Variants in CLOCK observed in about 807,000 individuals in gnomAD.
The protein encoded by CLOCK is circadian locomoter output cycles protein kaput.
CLOCK carries 43 observed loss-of-function variants against 118.4 expected under a neutral mutation model. The ratio of observed to expected loss-of-function variants is 0.36; its 90% CI spans 0.28 to 0.47. The LOEUF (loss-of-function observed/expected upper bound fraction) is 0.47. CLOCK is among the 20% of genes least tolerant of loss of function. The pLI, the probability that CLOCK is intolerant of heterozygous loss-of-function variation, is 1.00. For synonymous variants in CLOCK, 326 were observed against 339.2 expected, an observed-to-expected ratio of 0.96 and a Z score of 0.43; for missense variants, 846 against 999.9, an observed-to-expected ratio of 0.85 and a Z score of 2.08.
At chr4:55,506,650 T>C (rs1728814245) in intron 2 of CLOCK, among the ~76,000 whole-genome samples, 1 of 152,024 alleles carries the variant, frequency 6.6e-6, no homozygotes, top group Non-Finnish European at 1.5e-5. Flanking sequence ...AACCTCTGCC[T>C]TCCGGGTTCC....
chr4:55,534,541 T>G (rs1393434123), intron 1 of CLOCK, among the ~76,000 whole-genome samples: 1 of 152,094 alleles, frequency 6.6e-6, no homozygotes, highest in African/African-American at 2.4e-5. Flanking sequence ...TAGACTCTAA[T>G]CCCCTACACC....
chr4:55,450,612 A>C (rs1259039073), intron 15 of CLOCK, among the ~76,000 whole-genome samples: 1 of 152,160 alleles, frequency 6.6e-6, no homozygotes, highest in African/African-American at 2.4e-5. Context: ...TACCAAAAAT[A>C]CAAAATTTAG....
chr4:55,491,875 A>G (rs184416872), intron 2 of CLOCK, among the ~76,000 whole-genome samples: 9 of 152,328 alleles, frequency 5.9e-5, no homozygotes, highest in African/African-American at 1.9e-4. Flanking sequence ...AGAAAATCTG[A>G]GCAGACACAT....
chr4:55,534,236 C>A (rs1180663240), intron 1 of CLOCK, among the ~76,000 whole-genome samples: 1 of 152,110 alleles, frequency 6.6e-6, no homozygotes, highest in Non-Finnish European at 1.5e-5. Flanking sequence ...TCAACTATCA[C>A]CAAGCCAATC....
At position 55,482,722 on chromosome 4, in the gene CLOCK, A is replaced by T; in HGVS notation, c.47+17T>A. On this transcript the variant is annotated intron_variant, in intron 4 of 22. Transcript: ENST00000513440. ...AAATAATTATATATAACTTAAAATA[A>T]GTCTTCAAAAACATACCTGTCAACA... 2.6e-6 allele frequency: 4 copies of T among 1,560,192 alleles called. No homozygotes were observed. The highest frequency in any genetic ancestry group is 1.2e-5 in the South Asian group (1 of 86,766).
intron 1 of CLOCK, among the ~76,000 whole-genome samples, chr4:55,543,807 AT>A (rs1220065085): frequency 5.3e-5 from 8 of 152,096 alleles, no homozygotes. Context: ...ATGTAATTCC[AT>A]TTTTAAAAAA....
At position 55,479,632 on chromosome 4, in the gene CLOCK, C is replaced by G; in HGVS notation, c.107+8G>C. 6.2e-7 allele frequency: 1 copy of G among 1,602,970 alleles called. No individual in the cohort carries two copies. ...TCATTTACTATTTTATATCTCTAAT[C>G]AAACTACCTTTTCGCTTTGTCCTTG... On this transcript the variant is annotated splice_region_variant and intron_variant, in intron 5 of 22. Transcript: ENST00000513440.
At chr4:55,489,107 G>A (rs920737092) in intron 3 of CLOCK, among the ~76,000 whole-genome samples, 1 of 152,268 alleles carries the variant, frequency 6.6e-6, no homozygotes. Context: ...TGTATTATTT[G>A]TGTTTCTCAC....
rs1243503738 is a variant in CLOCK at position 55,443,882 on chromosome 4, T to C, written c.1707A>G (p.Gln569=). The C allele has an allele frequency of 5.6e-6, 9 of 1,612,556 alleles. No homozygotes were observed. Among genetic ancestry groups the C allele is most frequent in the South Asian group, 2.2e-5 (2 of 91,022 alleles). The change falls in exon 20 of 23, where the codon CAA becomes CAG. Residue 569 remains glutamine (Q), a synonymous_variant. Transcript: ENST00000513440. ...HGQGLQMFLQ[Q]SNPGLNFGSV... is the part of the protein sequence containing the mutation. ...AACCAAAATTCAACCCAGGATTTGA[T>C]TGTTGCAAAAACATCTTTAAAAATA...
At chr4:55,541,605 A>C (rs1242348158) in intron 1 of CLOCK, among the ~76,000 whole-genome samples, 8 of 152,328 alleles carry the variant, frequency 5.3e-5, no homozygotes. Context: ...TATATGCTTC[A>C]AGATTGAGAT....
intron 1 of CLOCK, among the ~76,000 whole-genome samples, chr4:55,523,990 T>C (rs529828434): frequency 6.6e-6 from 1 of 152,302 alleles, no homozygotes; most frequent in African/African-American, 2.4e-5. Context: ...TACATGTCTT[T>C]AGCATTACAA....
At chr4:55,495,702 T>A (rs1219811785) in intron 2 of CLOCK, among the ~76,000 whole-genome samples, 3 of 152,064 alleles carry the variant, frequency 2.0e-5, no homozygotes, top group African/African-American at 4.8e-5. Flanking sequence ...TTCCTTGATC[T>A]CTTCTGCAAC....
At position 55,438,492 on chromosome 4, in the gene CLOCK, A is replaced by G. The variant is rs1203781066; in HGVS notation, c.2151T>C (p.Pro717=). Residue 717 remains proline, a synonymous_variant, in exon 22 of 23, where the codon CCT becomes CCC. Transcript: ENST00000513440. ...GTACCATGACTGCCCCACAAGCTAC[A>G]GGAGCAGTCACTAATTTGGTCACAA... ...QQLVTKLVTA[P]VACGAVMVPS... 6.2e-7 allele frequency: 1 copy of G among 1,613,752 alleles called. No homozygotes were observed. The highest frequency in any genetic ancestry group is 8.5e-7 in the Non-Finnish European group (1 of 1,180,018).
chr4:55,442,391 G>T (rs759301729), intron 21 of CLOCK, 41 bp downstream of exon 21: 6 of 1,536,696 alleles, frequency 3.9e-6, no homozygotes, highest in Admixed American at 1.7e-5. Context: ...TAATCAATCG[G>T]TTTACAATTT....
At chr4:55,471,437 T>G (rs1029072285) in intron 7 of CLOCK, among the ~76,000 whole-genome samples, 1 of 152,106 alleles carries the variant, frequency 6.6e-6, no homozygotes, top group Admixed American at 6.6e-5. Context: ...GGGTGTAAAA[T>G]GGATTTAGAG....
chr4:55,440,650 CA>C (rs1723295914), intron 21 of CLOCK, among the ~76,000 whole-genome samples: 1 of 152,190 alleles, frequency 6.6e-6, no homozygotes, highest in Non-Finnish European at 1.5e-5. Flanking sequence ...GTAATATTTA[CA>C]AAGTACACTT....
At chr4:55,504,675 T>G (rs1297051491) in intron 2 of CLOCK, among the ~76,000 whole-genome samples, 2 of 152,202 alleles carry the variant, frequency 1.3e-5, no homozygotes, top group Non-Finnish European at 2.9e-5. Flanking sequence ...CTCAAGAATT[T>G]TTTAAGTTCT....
intron 2 of CLOCK, among the ~76,000 whole-genome samples, chr4:55,490,931 C>G (rs1727632296): frequency 6.6e-6 from 1 of 152,062 alleles, no homozygotes; most frequent in Non-Finnish European, 1.5e-5. Context: ...TAGGACAGAT[C>G]ACCTAATAGG....
chr4:55,544,920 C>A (rs1223968318), intron 1 of CLOCK, among the ~76,000 whole-genome samples: 2 of 152,152 alleles, frequency 1.3e-5, no homozygotes, highest in African/African-American at 2.4e-5. Flanking sequence ...TACCGCTACA[C>A]CTTGCTTTTT....
Sources: allele counts gnomAD v4.1 joint callset (sites outside exome capture counted in the v4.1 genomes callset), GRCh38; gene constraint gnomAD v4.1.1; transcripts MANE v1.5; gene names NCBI Gene and HGNC (gene_info 2026-07-23, HGNC 2026-07-21).